Variants in SLC6A20 observed in about 807,000 individuals in gnomAD.
SLC6A20 encodes the protein solute carrier family 6 member 20.
Under a neutral mutation model 64.3 loss-of-function variants are expected in SLC6A20, and 73 were observed. That is an observed-to-expected ratio of 1.14 (90% CI 0.94 to 1.38). The LOEUF (loss-of-function observed/expected upper bound fraction) is 1.38. Ranked by LOEUF, SLC6A20 falls within the 40% of genes most tolerant of loss-of-function variation. The pLI, the probability that SLC6A20 is intolerant of heterozygous loss-of-function variation, is 0.00. For synonymous variants in SLC6A20, 347 were observed against 329.6 expected (o/e 1.05, Z -0.57); for missense variants, 725 against 772.8 (o/e 0.94, Z 0.73).
intron 1 of SLC6A20, among the ~76,000 whole-genome samples, chr3:45,783,035 GGCTTTGT>G (rs1700123179): frequency 6.6e-6 from 1 of 152,192 alleles, no homozygotes; most frequent in East Asian, 1.9e-4. Flanking sequence ...ACTTCCTTTG[GGCTTTGT>G]GCACAGCCCT....
rs1393786287 is a variant in SLC6A20, at chr3:45,771,356, T to G, written c.796A>C (p.Asn266His). The part of the protein sequence containing the change: ...FGSLIAFASY[N>H]EPSNNCQKHA... Reference sequence around the variant, plus strand: ...TTCTGGCAGTTGTTGGATGGCTCATTGTAGCTGGCGAAGGCGATCAGGCTG... The same window carrying G: ...TTCTGGCAGTTGTTGGATGGCTCATGGTAGCTGGCGAAGGCGATCAGGCTG... Residue 266 changes from asparagine (N) to histidine (H), a missense_variant, in exon 6 of 11, where the codon AAT becomes CAT. Asn to His is a moderately conservative substitution (Grantham distance 68). Coordinates refer to ENST00000358525, the MANE Select transcript of SLC6A20 (RefSeq NM_020208.4). The G allele has an allele frequency of 6.2e-7, 1 of 1,614,180 alleles. No homozygotes were observed. The highest frequency in any genetic ancestry group is 1.7e-5 in the Admixed American group (1 of 60,020).
intron 2 of SLC6A20, among the ~76,000 whole-genome samples, chr3:45,780,799 G>T (rs1385795280): frequency 6.6e-6 from 1 of 152,134 alleles, no homozygotes; most frequent in African/African-American, 2.4e-5. Flanking sequence ...AGTAGAAACC[G>T]GCCATGGTGC....
chr3:45,794,434 C>G (rs148174516), intron 1 of SLC6A20, among the ~76,000 whole-genome samples: 18 of 152,302 alleles, frequency 1.2e-4, no homozygotes, highest in Non-Finnish European at 2.5e-4. Context: ...TGTGCACCCA[C>G]TAATCCATGC....
chr3:45,771,392 G>C lies in SLC6A20; in HGVS notation c.760C>G (p.Leu254Val). The change falls in exon 6 of 11, where the codon CTG becomes GTG. Residue 254 changes from leucine (L) to valine (V), a missense_variant. Leu to Val is a conservative substitution (Grantham distance 32). Transcript: ENST00000358525. ...AAGGCGATCAGGCTGCCGAAGCCCAGGCCAAGTGAGAAGAAGATCTGGGTG... is the reference window on the plus strand; with the variant it reads ...AAGGCGATCAGGCTGCCGAAGCCCACGCCAAGTGAGAAGAAGATCTGGGTG... ...AATQIFFSLG[L>V]GFGSLIAFAS... 6.2e-7 allele frequency: 1 copy of C among 1,614,240 alleles called. No individual in the cohort carries two copies. The highest frequency in any genetic ancestry group is 8.5e-7 in the Non-Finnish European group (1 of 1,180,042).
chr3:45,780,698 G>A (rs898443660), intron 2 of SLC6A20, among the ~76,000 whole-genome samples: 1 of 147,918 alleles, frequency 6.8e-6, no homozygotes, highest in Non-Finnish European at 1.5e-5. Context: ...GAGAGGGGTG[G>A]GAGGCAGCAG....
intron 3 of SLC6A20, 118 bp downstream of exon 3, chr3:45,779,891 G>A (rs1024438051): frequency 5.6e-5 from 62 of 1,099,754 alleles, no homozygotes; most frequent in Non-Finnish European, 6.9e-5. Context: ...ACCACCCACC[G>A]GCTCCCCGCC....
intron 1 of SLC6A20, among the ~76,000 whole-genome samples, chr3:45,782,609 G>A (rs952027524): frequency 5.1e-5 from 7 of 137,760 alleles, no homozygotes; most frequent in African/African-American, 8.5e-5. Context: ...TCATCCATCC[G>A]TATTTCCATA....
intron 1 of SLC6A20, among the ~76,000 whole-genome samples, chr3:45,787,951 T>C (rs984846980): frequency 6.6e-6 from 1 of 152,204 alleles, no homozygotes; most frequent in Non-Finnish European, 1.5e-5. Flanking sequence ...TCTTCTGAAC[T>C]GTGGAATAAC....
chr3:45,766,539 T>C (rs767076061), intron 7 of SLC6A20, among the ~76,000 whole-genome samples: 8 of 152,366 alleles, frequency 5.3e-5, no homozygotes, highest in East Asian at 1.9e-4. Flanking sequence ...AGATTCAGAA[T>C]TGCTATGGAC....
chr3:45,779,929 C>T (rs1575433377), intron 3 of SLC6A20, 80 bp downstream of exon 3: 1 of 1,463,624 alleles, frequency 6.8e-7, no homozygotes. Context: ...GCCCCACACC[C>T]CCTTCCCCGA....
At chr3:45,763,101 T>A (rs375702542) in intron 8 of SLC6A20, 29 bp from the exon 9 acceptor site, 1 of 1,612,278 alleles carries the variant, frequency 6.2e-7, no homozygotes, top group African/African-American at 1.3e-5. Flanking sequence ...GCTGCTCACC[T>A]GCCCGAGACC....
intron 9 of SLC6A20, among the ~76,000 whole-genome samples, chr3:45,761,763 A>G (rs139989259): frequency 2.0e-5 from 3 of 152,172 alleles, no homozygotes; most frequent in Non-Finnish European, 2.9e-5. Flanking sequence ...AAATGCTGCA[A>G]TTCTAACCCT....
intron 3 of SLC6A20, among the ~76,000 whole-genome samples, chr3:45,776,309 G>A (rs1388137204): frequency 6.6e-6 from 1 of 152,158 alleles, no homozygotes; most frequent in Admixed American, 6.5e-5. Context: ...CCCTGATGAT[G>A]GAACTCCGAC....
intron 1 of SLC6A20, among the ~76,000 whole-genome samples, chr3:45,795,681 G>T (rs778788483): frequency 2.6e-5 from 4 of 152,202 alleles, no homozygotes; most frequent in African/African-American, 9.7e-5. Context: ...GTAAGAGCGC[G>T]TGGCTGGCTG....
intron 1 of SLC6A20, among the ~76,000 whole-genome samples, chr3:45,783,791 G>A (rs1202885092): frequency 1.3e-5 from 2 of 152,182 alleles, no homozygotes; most frequent in African/African-American, 4.8e-5. Context: ...CTCATGTGGG[G>A]GCCTAGAACA....
intron 4 of SLC6A20, among the ~76,000 whole-genome samples, chr3:45,774,330 C>A (rs1699929174): frequency 1.3e-5 from 2 of 152,262 alleles, no homozygotes; most frequent in Non-Finnish European, 2.9e-5. Context: ...GGTCTCTAAT[C>A]TCTACCTCTG....
chr3:45,779,458 G>C (rs2125649722), intron 3 of SLC6A20, among the ~76,000 whole-genome samples: 1 of 152,302 alleles, frequency 6.6e-6, no homozygotes, highest in Admixed American at 6.5e-5. Context: ...AAAATGTTTA[G>C]GAATGGCCCT....
chr3:45,758,929 G>C lies in SLC6A20; in HGVS notation c.*49C>G. ...TTGAAAAAGCAGCCGAGGAGTTTCC[G>C]CCTGTAAATAGTATCTGTAAAACCG... On this transcript the variant is annotated 3_prime_UTR_variant, in exon 11 of 11. Coordinates refer to ENST00000358525, the MANE Select transcript of SLC6A20 (RefSeq NM_020208.4). 6.5e-7 allele frequency: 1 copy of C among 1,532,686 alleles called. No homozygotes were observed. The highest frequency in any genetic ancestry group is 8.8e-7 in the Non-Finnish European group (1 of 1,139,036). 94.9% of individuals were successfully genotyped at this position (1,532,686 alleles called of 1,614,324 possible). A position where few individuals can be genotyped will look rare whatever the true frequency, so the allele number is the denominator to read the frequency against.
intron 7 of SLC6A20, among the ~76,000 whole-genome samples, chr3:45,766,964 C>T (rs1209881864): frequency 6.6e-6 from 1 of 152,204 alleles, no homozygotes; most frequent in Non-Finnish European, 1.5e-5. Flanking sequence ...ATAGCAAGAC[C>T]TTGTCTCTAC....
Sources: allele counts gnomAD v4.1 joint callset (sites outside exome capture counted in the v4.1 genomes callset), GRCh38; gene constraint gnomAD v4.1.1; transcripts MANE v1.5; gene names NCBI Gene and HGNC (gene_info 2026-07-23, HGNC 2026-07-21).